PCDHA9: variants seen among roughly 807,000 people sequenced by gnomAD.
PCDHA9 encodes protocadherin alpha 9.
In PCDHA9, 62 loss-of-function variants were observed where a neutral mutation model predicts 62.0. The ratio of observed to expected loss-of-function variants is 1.00; its 90% CI spans 0.81 to 1.23. The LOEUF (loss-of-function observed/expected upper bound fraction) is 1.23, where lower values mean the gene tolerates loss of function less well. Ranked by LOEUF, PCDHA9 falls within the 50% of genes most tolerant of loss-of-function variation. The pLI, the probability that PCDHA9 is intolerant of heterozygous loss-of-function variation, is 0.00. For synonymous variants in PCDHA9, 557 were observed against 567.6 expected (o/e 0.98, Z 0.27); for missense variants, 1,205 against 1,249.8 (o/e 0.96, Z 0.54).
At chr5:140,876,061 C>T (rs782151232) in intron 1 of PCDHA9, 17 of 1,613,778 alleles carry the variant, frequency 1.1e-5, no homozygotes, top group African/African-American at 1.3e-5. Context: ...ATTAGTTCTT[C>T]GGAAGTTATT....
intron 3 of PCDHA9, among the ~76,000 whole-genome samples, chr5:140,985,739 CT>C (rs11372071): frequency 0.013 from 1,497 of 117,900 alleles, 11 homozygotes; most frequent in African/African-American, 0.038. Flanking sequence ...TGATGAATTC[CT>C]TTTTTTTTTT....
chr5:140,854,158 T>TTAAA, intron 1 of PCDHA9: 1 of 123,422 alleles, frequency 8.1e-6, no homozygotes, highest in Non-Finnish European at 1.0e-5. Flanking sequence ...AGATTCTGTC[T>TTAAA]CAAAAAAAAA....
In PCDHA9 at chr5:140,929,414, A is replaced by G. The variant is rs1174756115; in HGVS notation, c.2395-49535A>G. The G allele has an allele frequency of 6.6e-6, 10 of 1,504,304 alleles. No individual in the cohort carries two copies. The East Asian group carries it at 1.1e-4, about 17-fold the overall frequency. 93.2% of individuals were successfully genotyped at this position (1,504,304 alleles called of 1,614,324 possible). A position where few individuals can be genotyped will look rare whatever the true frequency, so the allele number is the denominator to read the frequency against. On this transcript the variant is annotated intron_variant, in intron 1 of 3. Transcript: ENST00000532602. ...ATATTTCTTAGACAAGCCTTTCACA[A>G]CATTTCATCAATTGAACTAAACACT...
At position 140,914,538 on chromosome 5, in the gene PCDHA9, T is replaced by C. The variant is rs1393710886; in HGVS notation, c.2394+63649T>C. ...TTTTTTCATCCATTCAGCCACTTTA[T>C]TTCTTTTTATTGGAGAGTTTAGTCC... is the stretch of plus-strand genomic sequence containing the variant. On this transcript the variant is annotated intron_variant, in intron 1 of 3. Transcript: ENST00000532602. 2.0e-5 allele frequency among the ~76,000 whole-genome samples: 3 copies of C among 152,198 alleles called. No individual in the cohort carries two copies. The East Asian group carries it at 5.8e-4, about 29-fold the overall frequency.
intron 3 of PCDHA9, chr5:140,988,965 TG>T (rs1227130828): frequency 6.6e-6 from 1 of 152,162 alleles, no homozygotes; most frequent in Non-Finnish European, 1.5e-5. Context: ...AGCCCCACGA[TG>T]GAGAGAAGCA....
chr5:140,978,704 G>A (rs1250477330), intron 1 of PCDHA9, among the ~76,000 whole-genome samples: 1 of 152,242 alleles, frequency 6.6e-6, no homozygotes, highest in African/African-American at 2.4e-5. Flanking sequence ...GCCAAAGGTG[G>A]CCTTTACAAG....
At chr5:140,950,751 T>G (rs1051693960) in intron 1 of PCDHA9, among the ~76,000 whole-genome samples, 3 of 152,154 alleles carry the variant, frequency 2.0e-5, no homozygotes, top group African/African-American at 7.2e-5. Flanking sequence ...CTCTCTATCC[T>G]TTCTGGACTC....
intron 1 of PCDHA9, among the ~76,000 whole-genome samples, chr5:140,909,245 G>T (rs189143592): frequency 2.6e-5 from 4 of 152,288 alleles, no homozygotes; most frequent in African/African-American, 7.2e-5. Flanking sequence ...AAGATATATT[G>T]CTGGCCTTGC....
intron 1 of PCDHA9, chr5:140,877,716 G>A: frequency 6.2e-7 from 1 of 1,614,116 alleles, no homozygotes; most frequent in Non-Finnish European, 8.5e-7. Context: ...TGGGGAGTTG[G>A]TCTTACTCGC....
intron 1 of PCDHA9, chr5:140,857,005 A>C: frequency 6.3e-7 from 1 of 1,595,528 alleles, no homozygotes; most frequent in East Asian, 2.2e-5. Context: ...AAATTCATGT[A>C]GATGTTACAG....
chr5:140,927,236 T>G, intron 1 of PCDHA9: 1 of 1,614,120 alleles, frequency 6.2e-7, no homozygotes, highest in Non-Finnish European at 8.5e-7. Context: ...ATTCACGTCC[T>G]GGACACCAAT....
At chr5:140,865,781 A>T (rs1213634186) in intron 1 of PCDHA9, 5 of 152,208 alleles carry the variant, frequency 3.3e-5, no homozygotes, top group Non-Finnish European at 5.9e-5. Flanking sequence ...TCAAATGTGT[A>T]TCTTTCAGGC....
intron 1 of PCDHA9, chr5:140,864,231 T>C (rs949424981): frequency 6.6e-6 from 1 of 152,222 alleles, no homozygotes; most frequent in East Asian, 1.9e-4. Flanking sequence ...AAGCAAGTTC[T>C]TTATTCCTAT....
intron 3 of PCDHA9, 48 bp from the exon 4 acceptor site, chr5:141,009,579 A>T: frequency 6.3e-7 from 1 of 1,586,202 alleles, no homozygotes; most frequent in Non-Finnish European, 8.6e-7. Context: ...TGTGGCATCA[A>T]GAGCATGTGT....
intron 1 of PCDHA9, among the ~76,000 whole-genome samples, chr5:140,900,021 T>A (rs1423634160): frequency 1.3e-5 from 2 of 152,092 alleles, no homozygotes; most frequent in Non-Finnish European, 2.9e-5. Context: ...TGTTACCCAG[T>A]TTGGCCTTGA....
rs145253621 is a variant in PCDHA9, at chr5:140,991,776, T to A, written c.2542+9213T>A. 4.1e-3 allele frequency among the ~76,000 whole-genome samples: 632 copies of A among 152,312 alleles called. 6 individuals carry two copies. Among genetic ancestry groups the A allele is most frequent in the South Asian group, 0.036 (174 of 4,822 alleles). ...CATGCTCTTCAAAATTCTTCTAGACTCTGCCCATTTCCCAATCTCAAGGCC... is the reference window on the plus strand; with the variant it reads ...CATGCTCTTCAAAATTCTTCTAGACACTGCCCATTTCCCAATCTCAAGGCC... On this transcript the variant is annotated intron_variant, in intron 3 of 3. Coordinates refer to ENST00000532602, the MANE Select transcript of PCDHA9 (RefSeq NM_031857.2).
intron 1 of PCDHA9, chr5:140,884,167 G>A: frequency 4.3e-6 from 7 of 1,613,412 alleles, no homozygotes; most frequent in Non-Finnish European, 5.1e-6. Context: ...AGATCAGCAC[G>A]ACGCGCCCTC....
chr5:140,989,775 C>G (rs1286076429), intron 3 of PCDHA9, among the ~76,000 whole-genome samples: 1 of 152,178 alleles, frequency 6.6e-6, no homozygotes, highest in Non-Finnish European at 1.5e-5. Flanking sequence ...CAAGCACTGG[C>G]TAGAGACTAG....
intron 1 of PCDHA9, among the ~76,000 whole-genome samples, chr5:140,913,266 T>C (rs1458769816): frequency 1.3e-5 from 2 of 152,176 alleles, no homozygotes; most frequent in Non-Finnish European, 2.9e-5. Flanking sequence ...TCTAATTACT[T>C]GTTATTGGTC....
Sources: allele counts gnomAD v4.1 joint callset (sites outside exome capture counted in the v4.1 genomes callset), GRCh38; gene constraint gnomAD v4.1.1; transcripts MANE v1.5; gene names NCBI Gene and HGNC (gene_info 2026-07-23, HGNC 2026-07-21).